Variants in RXRG observed in about 807,000 individuals in gnomAD.
RXRG encodes retinoic acid receptor RXR-gamma.
Under a neutral mutation model 49.2 loss-of-function variants are expected in RXRG, and 19 were observed. The ratio of observed to expected loss-of-function variants is 0.39; its 90% CI spans 0.27 to 0.57. RXRG has a LOEUF of 0.57. Among genes scored for constraint, RXRG ranks in the 20% least tolerant of loss-of-function variants. RXRG has a pLI of 0.64. For synonymous variants in RXRG, 224 were observed against 216.6 expected (o/e 1.03, Z -0.30); for missense variants, 452 against 592.5 (o/e 0.76, Z 2.46).
At chr1:165,417,015 G>C (rs747080901) in intron 4 of RXRG, 26 bp downstream of exon 4, 46 of 1,595,172 alleles carry the variant, frequency 2.9e-5, no homozygotes, top group Non-Finnish European at 3.9e-5. Flanking sequence ...CTCCGGACAC[G>C]AGTTTTGGAA....
chr1:165,420,088 C>G, intron 2 of RXRG, 74 bp from the exon 3 acceptor site: 1 of 1,209,152 alleles, frequency 8.3e-7, no homozygotes, highest in Non-Finnish European at 1.1e-6. Context: ...GCAATGAGGG[C>G]TTACTCAAGA....
In RXRG at chr1:165,428,885, C is replaced by G; in HGVS notation, c.131G>C (p.Ser44Thr). ...STGKPMDSHP[S>T]YTDTPVSAPR... ...GGCACTCACTGGGGTATCTGTGTAG[C>G]TGGGGTGGCTGTCCATTGGCTTCCC... Residue 44 changes from serine to threonine, a missense_variant, in exon 2 of 10, where the codon AGC becomes ACC. Physicochemically the swap from Ser to Thr is moderately conservative, Grantham distance 58. This residue lies in a region of RXRG where 166 missense variants were observed against 151.7 expected (regional missense o/e 1.09). Coordinates refer to ENST00000359842, the MANE Select transcript of RXRG (RefSeq NM_006917.5). The G allele has an allele frequency of 6.2e-7, 1 of 1,614,024 alleles. No homozygotes were observed. Among genetic ancestry groups the G allele is most frequent in the Non-Finnish European group, 8.5e-7 (1 of 1,179,986 alleles).
Position 165,401,203 on chromosome 1 carries a change from G to A in RXRG, c.*60C>T. 4 of 1,540,728 alleles carry A rather than the reference G, an allele frequency of 2.6e-6. No individual in the cohort carries two copies. The highest frequency in any genetic ancestry group is 1.8e-5 in the Admixed American group (1 of 56,306). On this transcript the variant is annotated 3_prime_UTR_variant, in exon 10 of 10. Transcript: ENST00000359842. ...GGGAGGTGGAGGAAAGTGCAGGGTG[G>A]GGGTCCACACACACCTGCCCAGGGG...
At chr1:165,431,223 G>A (rs1658662245) in intron 1 of RXRG, among the ~76,000 whole-genome samples, 1 of 152,280 alleles carries the variant, frequency 6.6e-6, no homozygotes, top group East Asian at 1.9e-4. Context: ...AAAGATGATT[G>A]GAGAGCCATC....
Position 165,444,928 on chromosome 1 carries a change from G to A in RXRG, c.-35C>T, listed in dbSNP as rs1659113781. The A allele has an allele frequency of 6.2e-7, 1 of 1,603,178 alleles. No individual in the cohort carries two copies. The highest frequency in any genetic ancestry group is 1.3e-5 in the African/African-American group (1 of 74,796). ...TCAGTTCATGTTCCTCTCCTGTGCA[G>A]CTTCTAAATATTACCGCCTCTCTCG... On this transcript the variant is annotated 5_prime_UTR_variant, in exon 1 of 10. Transcript: ENST00000359842.
intron 1 of RXRG, among the ~76,000 whole-genome samples, chr1:165,429,815 T>C (rs148319482): frequency 6.6e-5 from 10 of 152,234 alleles, no homozygotes; most frequent in Admixed American, 2.0e-4. Flanking sequence ...GTCATCAGTA[T>C]CACTTTCTTC....
At chr1:165,403,894 G>A (rs753664214) in intron 9 of RXRG, among the ~76,000 whole-genome samples, 3 of 152,170 alleles carry the variant, frequency 2.0e-5, no homozygotes, top group Non-Finnish European at 4.4e-5. Flanking sequence ...ACCCATGAAC[G>A]TCACAGCATT....
rs769045056 is a variant in RXRG at position 165,401,433 on chromosome 1, C to T, written c.1245-23G>A. Reference sequence around the variant, plus strand: ...AACCTGCAGGGAAGCCAAGAGGCATCAGGGACAGGGACGGGCAGGCACTGC... The same window carrying T: ...AACCTGCAGGGAAGCCAAGAGGCATTAGGGACAGGGACGGGCAGGCACTGC... On this transcript the variant is annotated intron_variant, in intron 9 of 9. Transcript: ENST00000359842. 7 of 1,612,542 alleles carry T rather than the reference C, an allele frequency of 4.3e-6. No individual in the cohort carries two copies. The African/African-American group carries it at 9.3e-5, about 22-fold the overall frequency.
intron 4 of RXRG, among the ~76,000 whole-genome samples, chr1:165,415,220 T>C (rs1222944608): frequency 1.3e-5 from 2 of 152,106 alleles, no homozygotes; most frequent in Non-Finnish European, 2.9e-5. Context: ...AAAATCATTC[T>C]AGACAGACAG....
At chr1:165,402,140 A>G (rs1657596330) in intron 9 of RXRG, among the ~76,000 whole-genome samples, 1 of 151,604 alleles carries the variant, frequency 6.6e-6, no homozygotes, top group South Asian at 2.1e-4. Flanking sequence ...GCTGGAGTGC[A>G]ATGGCCCAGT....
At chr1:165,439,349 C>T (rs1436661741) in intron 1 of RXRG, among the ~76,000 whole-genome samples, 1 of 151,932 alleles carries the variant, frequency 6.6e-6, no homozygotes, top group Non-Finnish European at 1.5e-5. Context: ...ATGCCACTCT[C>T]TCCCTCCCCC....
At chr1:165,411,554 C>T (rs1021173134) in intron 4 of RXRG, among the ~76,000 whole-genome samples, 6 of 152,172 alleles carry the variant, frequency 3.9e-5, no homozygotes, top group East Asian at 1.9e-4. Flanking sequence ...TTGGCATTCA[C>T]GTCCCATTAG....
chr1:165,428,879 G>T lies in RXRG; in HGVS notation c.137C>A (p.Thr46Lys), dbSNP rs750811270. Residue 46 changes from threonine (T) to lysine (K), a missense_variant, in exon 2 of 10, where the codon ACA becomes AAA. By Grantham distance (78) the Thr-to-Lys change is moderately conservative. Around this residue, in one of 2 missense-constraint regions of RXRG, gnomAD observed 166 missense variants for 151.7 expected, o/e 1.09. Transcript: ENST00000359842. ...CCGTGGGGCACTCACTGGGGTATCT[G>T]TGTAGCTGGGGTGGCTGTCCATTGG... Reference protein sequence around the residue: ...GKPMDSHPSYTDTPVSAPRTL... With the variant: ...GKPMDSHPSYKDTPVSAPRTL... 4 of 1,613,994 alleles carry T rather than the reference G, an allele frequency of 2.5e-6. No individual in the cohort carries two copies. Among genetic ancestry groups the T allele is most frequent in the Non-Finnish European group, 2.5e-6 (3 of 1,180,010 alleles).
At chr1:165,401,532 T>C (rs1571259504) in intron 9 of RXRG, 122 bp from the exon 10 acceptor site, 2 of 1,049,918 alleles carry the variant, frequency 1.9e-6, no homozygotes, top group Non-Finnish European at 1.4e-6. Context: ...GCTGGAAGGG[T>C]AGACAAGGGG....
chr1:165,419,799 A>G (rs1350107591), intron 3 of RXRG, 71 bp downstream of exon 3: 10 of 1,361,594 alleles, frequency 7.3e-6, no homozygotes, highest in Non-Finnish European at 8.8e-6. Context: ...TTGAGTACAA[A>G]GTATCCAGGC....
chr1:165,429,605 T>C (rs902103035), intron 1 of RXRG, among the ~76,000 whole-genome samples: 33 of 152,280 alleles, frequency 2.2e-4, no homozygotes, highest in Admixed American at 2.0e-3. Context: ...CATGATGTTC[T>C]TTTCCTGTCC....
At chr1:165,421,767 G>A (rs904528915) in intron 2 of RXRG, among the ~76,000 whole-genome samples, 56 of 152,068 alleles carry the variant, frequency 3.7e-4, no homozygotes, top group African/African-American at 1.3e-3. Flanking sequence ...CCTGACCTCA[G>A]GCAATCTGCC....
intron 4 of RXRG, among the ~76,000 whole-genome samples, chr1:165,416,649 G>A (rs1364642384): frequency 1.3e-5 from 2 of 152,180 alleles, no homozygotes; most frequent in Non-Finnish European, 2.9e-5. Flanking sequence ...ACGATCCATT[G>A]GTAGAGCAGA....
chr1:165,424,626 A>T (rs954441853), intron 2 of RXRG: 4 of 255,046 alleles, frequency 1.6e-5, no homozygotes, highest in African/African-American at 2.3e-5. Flanking sequence ...CAAGATCAAA[A>T]ATCCAACAAC....
Sources: gnomAD v4.1 joint callset for allele counts (sites outside exome capture counted in the v4.1 genomes callset) on GRCh38, gnomAD v4.1.1 for gene constraint, gnomAD v4.1.1 regional missense constraint, MANE v1.5 for transcripts, NCBI Gene and HGNC (gene_info 2026-07-23, HGNC 2026-07-21) for gene names.